Variants in FAM114A2 observed in about 807,000 individuals in gnomAD.
The protein encoded by FAM114A2 is family with sequence similarity 114 member A2, also known as protein FAM114A2.
In FAM114A2, 53 loss-of-function variants were observed where a neutral mutation model predicts 58.4. The ratio of observed to expected loss-of-function variants is 0.91; its 90% CI spans 0.73 to 1.14. The LOEUF is 1.14. Ranked by LOEUF, FAM114A2 falls within the 50% of genes most tolerant of loss-of-function variation. The pLI is 0.00. For synonymous variants in FAM114A2, 228 were observed against 211.4 expected, an observed-to-expected ratio of 1.08 and a Z score of -0.68; for missense variants, 601 against 581.1, an observed-to-expected ratio of 1.03 and a Z score of -0.35.
chr5:154,018,010 G>A (rs1460155081), intron 8 of FAM114A2, among the ~76,000 whole-genome samples: 1 of 152,112 alleles, frequency 6.6e-6, no homozygotes, highest in East Asian at 1.9e-4. Context: ...CAAGGAAACA[G>A]AGAAACAAGA....
intron 8 of FAM114A2, among the ~76,000 whole-genome samples, chr5:154,016,293 C>A (rs986981792): frequency 6.6e-6 from 1 of 152,112 alleles, no homozygotes; most frequent in African/African-American, 2.4e-5. Flanking sequence ...GCAAAAAGAC[C>A]ATCGCCTAGG....
chr5:153,994,882 T>C (rs748009878), intron 13 of FAM114A2, 37 bp downstream of exon 13: 1 of 1,364,924 alleles, frequency 7.3e-7, no homozygotes, highest in East Asian at 2.3e-5. Flanking sequence ...TTATACGTAA[T>C]ACCTTTGGAG....
rs1186553821 is a variant in FAM114A2, at chr5:153,992,298, T to G, written c.*678A>C. 6.6e-6 allele frequency: 1 copy of G among 152,204 alleles called. No individual in the cohort carries two copies. Among genetic ancestry groups the G allele is most frequent in the Non-Finnish European group, 1.5e-5 (1 of 68,052 alleles). 9.4% of individuals were successfully genotyped at this position (152,204 alleles called of 1,614,324 possible). A position where few individuals can be genotyped will look rare whatever the true frequency, so the allele number is the denominator to read the frequency against. ...AGTAGAGTAGGGTTCAGCTATGACA[T>G]GAAGTGTGTCATCCTGGGGAGGGGG... On this transcript the variant is annotated 3_prime_UTR_variant, in exon 14 of 14. Coordinates refer to ENST00000351797, the MANE Select transcript of FAM114A2 (RefSeq NM_018691.4).
At chr5:154,018,995 G>A (rs1341345405) in intron 8 of FAM114A2, among the ~76,000 whole-genome samples, 2 of 152,078 alleles carry the variant, frequency 1.3e-5, no homozygotes, top group East Asian at 1.9e-4. Context: ...CTGAGAACTG[G>A]AACAAGACAA....
At chr5:154,020,662 C>T (rs1399769374) in intron 8 of FAM114A2, among the ~76,000 whole-genome samples, 1 of 152,038 alleles carries the variant, frequency 6.6e-6, no homozygotes, top group African/African-American at 2.4e-5. Flanking sequence ...TAATAGCTTA[C>T]CAACCAAAAA....
At chr5:154,007,085 G>A (rs903168087) in intron 9 of FAM114A2, among the ~76,000 whole-genome samples, 5 of 152,074 alleles carry the variant, frequency 3.3e-5, no homozygotes, top group South Asian at 4.1e-4. Flanking sequence ...GTGAGCCACC[G>A]CGCCTGGCCA....
chr5:154,015,575 G>A (rs1212178385), intron 8 of FAM114A2, among the ~76,000 whole-genome samples: 1 of 152,160 alleles, frequency 6.6e-6, no homozygotes, highest in African/African-American at 2.4e-5. Flanking sequence ...AAAGGGGGAA[G>A]GGTGCTACGT....
In FAM114A2 at chr5:154,026,426, A is replaced by G; in HGVS notation, c.886T>C (p.Cys296Arg). The change falls in exon 8 of 14, where the codon TGT (cysteine) becomes CGT (arginine). Residue 296 changes from cysteine (C) to arginine (R), a missense_variant. Cys to Arg is a radical substitution (Grantham distance 180). Coordinates refer to ENST00000351797, the MANE Select transcript of FAM114A2 (RefSeq NM_018691.4). ...LKETFSLAEFCEEEEEEKKGD... is the reference protein window; with the variant it reads ...LKETFSLAEFREEEEEEKKGD... ...TTTTTCTCTTCTTCCTCTTCTTCAC[A>G]AAATTCTGCTAGAGAAAATGTTTCT... 6.3e-7 allele frequency: 1 copy of G among 1,580,358 alleles called. No individual in the cohort carries two copies.
At chr5:154,017,451 T>G (rs1273275160) in intron 8 of FAM114A2, among the ~76,000 whole-genome samples, 1 of 151,662 alleles carries the variant, frequency 6.6e-6, no homozygotes, top group African/African-American at 2.4e-5. Flanking sequence ...TCAAAAAAAA[T>G]AAATAAATAA....
intron 1 of FAM114A2, chr5:154,038,591 A>C (rs1165757890): frequency 6.6e-6 from 1 of 152,160 alleles, no homozygotes; most frequent in Non-Finnish European, 1.5e-5. Context: ...ATGCGCTCTC[A>C]CTTCTTCCCA....
chr5:154,003,046 T>G (rs532572073), intron 9 of FAM114A2, 77 bp from the exon 10 acceptor site: 1 of 1,332,530 alleles, frequency 7.5e-7, no homozygotes, highest in East Asian at 2.3e-5. Context: ...AGGAACACAA[T>G]AGCATCCTAG....
In FAM114A2 at chr5:154,002,786, T is replaced by C. The variant is rs189120262; in HGVS notation, c.1116+61A>G. The stretch of plus-strand genomic sequence containing the variant: ...GTGTAAAAATAGGAGCCTGGGTCCC[T>C]GATTGTGACACATTTCAAATCTACT... On this transcript the variant is annotated intron_variant, in intron 10 of 13. Transcript: ENST00000351797. 6.7e-3 allele frequency: 10,634 copies of C among 1,579,694 alleles called. 48 individuals carry two copies. Among genetic ancestry groups the C allele is most frequent in the Non-Finnish European group, 8.0e-3 (9,173 of 1,153,372 alleles).
At chr5:154,027,400 T>G (rs1406435079) in intron 6 of FAM114A2, 66 bp from the exon 7 acceptor site, 9 of 1,398,182 alleles carry the variant, frequency 6.4e-6, no homozygotes, top group Non-Finnish European at 7.8e-6. Flanking sequence ...TTCTGAGAAT[T>G]GAAGGAAGCA....
At chr5:154,011,432 T>C in intron 8 of FAM114A2, 112 bp from the exon 9 acceptor site, 1 of 671,790 alleles carries the variant, frequency 1.5e-6, no homozygotes, top group Non-Finnish European at 2.7e-6. Context: ...GTAGTAGTAA[T>C]AACAATAGTA....
At chr5:154,033,103 C>T (rs1350257407) in intron 4 of FAM114A2, among the ~76,000 whole-genome samples, 2 of 152,046 alleles carry the variant, frequency 1.3e-5, no homozygotes, top group Non-Finnish European at 2.9e-5. Flanking sequence ...ATAACTGATG[C>T]CAGGATTCAA....
At chr5:154,016,687 A>G (rs1042997288) in intron 8 of FAM114A2, among the ~76,000 whole-genome samples, 3 of 152,146 alleles carry the variant, frequency 2.0e-5, no homozygotes, top group Admixed American at 6.5e-5. Context: ...CTTAAAGCAT[A>G]AATCTCATGA....
At chr5:154,008,637 C>G (rs1405467596) in intron 9 of FAM114A2, among the ~76,000 whole-genome samples, 1 of 151,626 alleles carries the variant, frequency 6.6e-6, no homozygotes. Context: ...TGTAATTAGA[C>G]TTGGATTGTA....
intron 6 of FAM114A2, chr5:154,027,563 C>T (rs892365556): frequency 3.0e-5 from 11 of 364,084 alleles, no homozygotes; most frequent in East Asian, 1.4e-4. Flanking sequence ...TGCAGTGGCA[C>T]GATCTCTGCT....
chr5:154,031,795 T>A (rs1418311522), intron 4 of FAM114A2, among the ~76,000 whole-genome samples: 1 of 152,202 alleles, frequency 6.6e-6, no homozygotes, highest in Non-Finnish European at 1.5e-5. Flanking sequence ...CTTATAAGAC[T>A]TTCTCTTGTA....
Sources: gnomAD v4.1 joint callset for allele counts (sites outside exome capture counted in the v4.1 genomes callset) on GRCh38, gnomAD v4.1.1 for gene constraint, MANE v1.5 for transcripts, NCBI Gene and HGNC (gene_info 2026-07-23, HGNC 2026-07-21) for gene names.